TRIM37: variants seen among roughly 807,000 people sequenced by gnomAD.
The protein encoded by TRIM37 is tripartite motif containing 37.
A neutral mutation model predicts 129.8 loss-of-function variants in TRIM37; 80 were observed. The observed-to-expected ratio is 0.62, with a 90% CI of 0.51 to 0.74. The LOEUF (loss-of-function observed/expected upper bound fraction) is 0.74, where lower values mean the gene tolerates loss of function less well. Among genes scored for constraint, TRIM37 ranks in the 30% least tolerant of loss-of-function variants. The probability of loss-of-function intolerance (pLI) is 0.00; values close to 1 mark genes in which losing one functional copy is unlikely to be tolerated. For missense variants in TRIM37, 1,054 were observed against 1,176.5 expected (o/e 0.90, Z 1.52); for synonymous variants, 389 against 387.1 (o/e 1.00, Z -0.06).
At chr17:58,992,639 C>G (rs530985112) in intron 24 of TRIM37, among the ~76,000 whole-genome samples, 2 of 152,148 alleles carry the variant, frequency 1.3e-5, no homozygotes, top group Non-Finnish European at 2.9e-5. Flanking sequence ...CTCGGCCTCC[C>G]AAAGTGCTGG....
chr17:59,077,267 CT>C (rs757122066), intron 7 of TRIM37, among the ~76,000 whole-genome samples: 271 of 124,414 alleles, frequency 2.2e-3, no homozygotes, highest in Non-Finnish European at 2.6e-3. Flanking sequence ...GCTAATTTTT[CT>C]TTTTTTTTTT....
In TRIM37 at chr17:58,989,186, ATTGTT is replaced by A. The variant is rs200578107; in HGVS notation, c.2892-6270_2892-6266del. On this transcript the variant is annotated intron_variant, in intron 24 of 24. Transcript: ENST00000393066. Reference sequence around the variant, plus strand: ...AAATGAGAGAGAATTTTAAATAATTATTGTTTTGAGAGGCCAAGGTGGGAGGATTG... The same window carrying A: ...AAATGAGAGAGAATTTTAAATAATTATTGAGAGGCCAAGGTGGGAGGATTG... Among the ~76,000 whole-genome samples, 975 of 152,316 alleles carry A rather than the reference ATTGTT, an allele frequency of 6.4e-3. 11 individuals carry two copies. The highest frequency in any genetic ancestry group is 0.015 in the South Asian group (74 of 4,824).
At chr17:59,104,066 T>C (rs2045774580) in intron 2 of TRIM37, among the ~76,000 whole-genome samples, 1 of 152,204 alleles carries the variant, frequency 6.6e-6, no homozygotes, top group African/African-American at 2.4e-5. Context: ...CTCCTTATGA[T>C]ACCGCACATT....
At chr17:58,980,214 T>C, downstream of TRIM37, 1 of 1,614,158 alleles carries the variant, frequency 6.2e-7, no homozygotes, top group Non-Finnish European at 8.5e-7. This position sits in a 1 kb window ranked among gnomAD's most constrained non-coding sequence, Gnocchi z 4.7. Flanking sequence ...ATCACGGTTA[T>C]TGTGGTATTC....
the TRIM37 span, chr17:58,972,972 C>T: frequency 1.5e-6 from 2 of 1,354,748 alleles, no homozygotes; most frequent in Non-Finnish European, 2.1e-6. Flanking sequence ...TCTTCTAGCT[C>T]ATTCTCCTGT....
At chr17:59,042,678 G>A (rs980879243) in intron 16 of TRIM37, among the ~76,000 whole-genome samples, 4 of 150,928 alleles carry the variant, frequency 2.7e-5, no homozygotes, top group Admixed American at 6.6e-5. Context: ...CAGCAGAATC[G>A]GTTGAACCCG....
At chr17:59,043,776 T>C (rs1294967154) in intron 16 of TRIM37, among the ~76,000 whole-genome samples, 3 of 152,196 alleles carry the variant, frequency 2.0e-5, no homozygotes, top group Non-Finnish European at 2.9e-5. Flanking sequence ...CTAAGGCTAC[T>C]GTCCCCAACA....
chr17:59,074,309 T>G (rs1449956274), intron 8 of TRIM37, among the ~76,000 whole-genome samples: 2 of 152,230 alleles, frequency 1.3e-5, no homozygotes, highest in African/African-American at 2.4e-5. Context: ...ATAGGTTATA[T>G]GAGAATACTA....
At chr17:59,046,983 T>C (rs867282587) in intron 16 of TRIM37, among the ~76,000 whole-genome samples, 30 of 151,562 alleles carry the variant, frequency 2.0e-4, no homozygotes, top group Middle Eastern at 6.8e-3. Context: ...TGAAACCCCG[T>C]CTCTACTAAA....
At chr17:58,981,595 TAA>T (rs1183308680), downstream of TRIM37, 1 of 152,652 alleles carries the variant, frequency 6.6e-6, no homozygotes, top group Non-Finnish European at 1.5e-5. Context: ...TAAATCAGTG[TAA>T]AAGTGTCATA....
At chr17:59,043,007 T>C (rs2039422103) in intron 16 of TRIM37, among the ~76,000 whole-genome samples, 1 of 151,880 alleles carries the variant, frequency 6.6e-6, no homozygotes, top group African/African-American at 2.4e-5. Context: ...CTACATGTAG[T>C]GTTAGGCTTA....
chr17:59,089,559 T>TGAACCAGG (rs2044098295), intron 3 of TRIM37, among the ~76,000 whole-genome samples: 1 of 152,100 alleles, frequency 6.6e-6, no homozygotes, highest in African/African-American at 2.4e-5. Flanking sequence ...GAGAATCACT[T>TGAACCAGG]GAACCAGGGA....
At chr17:59,013,453 A>G (rs2035550488) in intron 21 of TRIM37, among the ~76,000 whole-genome samples, 1 of 150,806 alleles carries the variant, frequency 6.6e-6, no homozygotes, top group Non-Finnish European at 1.5e-5. Context: ...GGCCTGAGAG[A>G]TATTATTGAA....
chr17:59,081,117 T>C lies in TRIM37; in HGVS notation c.472A>G (p.Ile158Val), dbSNP rs1003592119. 7 of 1,613,374 alleles carry C rather than the reference T, an allele frequency of 4.3e-6. No homozygotes were observed. The Admixed American group carries it at 1.2e-4, about 27-fold the overall frequency. ...CTTACCACTTCTTGAACTAAGCTGATCAGTTCCATGAGACGCCGACGAAGT... is the reference window on the plus strand; with the variant it reads ...CTTACCACTTCTTGAACTAAGCTGACCAGTTCCATGAGACGCCGACGAAGT... ...AKLRRRLMEL[I>V]SLVQEVERNV... The change falls in exon 6 of 24, where the codon ATC (isoleucine) becomes GTC (valine). Residue 158 changes from isoleucine to valine, a missense_variant. Around this residue, in one of 3 missense-constraint regions of TRIM37, gnomAD observed 752 missense variants for 870.8 expected, o/e 0.86. Transcript: ENST00000262294.
chr17:58,969,800 G>A, the TRIM37 span: 2 of 1,396,318 alleles, frequency 1.4e-6, no homozygotes, highest in Admixed American at 2.0e-5. Context: ...TGGTTAAAGG[G>A]CTATTTAGAT....
intron 2 of TRIM37, among the ~76,000 whole-genome samples, chr17:59,093,601 G>A (rs1461853564): frequency 6.6e-6 from 1 of 152,092 alleles, no homozygotes; most frequent in African/African-American, 2.4e-5. Flanking sequence ...TTATTTGTTG[G>A]TCTCCTTTGC....
At chr17:59,081,578 C>T (rs1269284212) in intron 5 of TRIM37, among the ~76,000 whole-genome samples, 1 of 152,126 alleles carries the variant, frequency 6.6e-6, no homozygotes, top group African/African-American at 2.4e-5. Flanking sequence ...AACTTCTTTC[C>T]ACCAGGACTT....
At chr17:59,070,060 A>C (rs2042240388) in intron 9 of TRIM37, among the ~76,000 whole-genome samples, 1 of 152,198 alleles carries the variant, frequency 6.6e-6, no homozygotes, top group Non-Finnish European at 1.5e-5. Flanking sequence ...TACACACCCA[A>C]AGATTTTCTT....
chr17:59,002,747 T>C (rs2033936779), intron 22 of TRIM37, among the ~76,000 whole-genome samples: 1 of 152,158 alleles, frequency 6.6e-6, no homozygotes, highest in South Asian at 2.1e-4. Context: ...GGAACTTTCA[T>C]TAGTGGGTCA....
Sources: allele counts gnomAD v4.1 joint callset (sites outside exome capture counted in the v4.1 genomes callset), GRCh38; gene constraint gnomAD v4.1.1; regional missense constraint gnomAD v4.1.1; non-coding constraint Gnocchi (gnomAD v3.1); transcripts MANE v1.5; gene names NCBI Gene and HGNC (gene_info 2026-07-23, HGNC 2026-07-21).